Variants in ANKRD27 observed in about 807,000 individuals in gnomAD.
ANKRD27 encodes the protein ankyrin repeat domain-containing protein 27.
Under a neutral mutation model 129.7 loss-of-function variants are expected in ANKRD27, and 112 were observed. The observed-to-expected ratio is 0.86, with a 90% CI of 0.74 to 1.01. The LOEUF (loss-of-function observed/expected upper bound fraction) is 1.01. Among genes scored for constraint, ANKRD27 ranks in the 50% least tolerant of loss-of-function variants. The probability of loss-of-function intolerance (pLI) is 0.00; values close to 1 mark genes in which losing one functional copy is unlikely to be tolerated. For synonymous variants in ANKRD27, 516 were observed against 511.2 expected (o/e 1.01, Z -0.13); for missense variants, 1,258 against 1,300.5 (o/e 0.97, Z 0.50).
chr19:32,628,766 A>G lies in ANKRD27; in HGVS notation c.1293T>C (p.Cys431=). The G allele has an allele frequency of 6.2e-7, 1 of 1,614,150 alleles. No individual in the cohort carries two copies. Among genetic ancestry groups the G allele is most frequent in the Non-Finnish European group, 8.5e-7 (1 of 1,180,022 alleles). Residue 431 remains cysteine (C), a synonymous_variant, in exon 14 of 29, where the codon TGT becomes TGC. Coordinates refer to ENST00000306065, the MANE Select transcript of ANKRD27 (RefSeq NM_032139.3). The stretch of plus-strand genomic sequence containing the variant: ...AGTCATCGCAGAAGCAGAGAGGGTG[A>G]CACATCTTTTGGACGGTATCTTTAT... ...DHDKDTVQKM[C]HPLCFCDDCE... is the part of the protein sequence containing the mutation.
At chr19:32,660,411 T>C (rs1007756646) in intron 1 of ANKRD27, among the ~76,000 whole-genome samples, 9 of 152,136 alleles carry the variant, frequency 5.9e-5, no homozygotes, top group Non-Finnish European at 1.2e-4. Context: ...GGTGTGGTGG[T>C]GCATGCCTAT....
At chr19:32,663,892 T>C (rs1387349464) in intron 1 of ANKRD27, among the ~76,000 whole-genome samples, 1 of 150,668 alleles carries the variant, frequency 6.6e-6, no homozygotes, top group South Asian at 2.1e-4. Flanking sequence ...CCGTCTCTAC[T>C]AAAAATACAA....
intron 22 of ANKRD27, among the ~76,000 whole-genome samples, chr19:32,614,619 G>C (rs1489524062): frequency 6.6e-6 from 1 of 152,024 alleles, no homozygotes; most frequent in African/African-American, 2.4e-5. Context: ...CAGGGGAATC[G>C]CTTCAACCCG....
intron 25 of ANKRD27, 71 bp downstream of exon 25, chr19:32,604,192 T>C (rs1971694498): frequency 6.7e-7 from 1 of 1,496,136 alleles, no homozygotes; most frequent in Non-Finnish European, 9.0e-7. Flanking sequence ...AGATCCAGCT[T>C]AAACAAAGGG....
chr19:32,652,141 G>C (rs1462488269), intron 2 of ANKRD27, among the ~76,000 whole-genome samples: 1 of 152,202 alleles, frequency 6.6e-6, no homozygotes, highest in African/African-American at 2.4e-5. Context: ...AGTAGCTGTG[G>C]AGTTTTTACT....
intron 13 of ANKRD27, among the ~76,000 whole-genome samples, chr19:32,629,116 T>C (rs1197711677): frequency 6.6e-6 from 1 of 152,136 alleles, no homozygotes; most frequent in Non-Finnish European, 1.5e-5. Flanking sequence ...ACACGGGGTT[T>C]TGCCATGTTG....
At chr19:32,659,273 G>C (rs1486969847) in intron 1 of ANKRD27, among the ~76,000 whole-genome samples, 1 of 151,722 alleles carries the variant, frequency 6.6e-6, no homozygotes, top group African/African-American at 2.4e-5. Context: ...TAAAGACAGG[G>C]TTTTGCCATG....
At position 32,626,106 on chromosome 19, in the gene ANKRD27, C is replaced by T; in HGVS notation, c.1537-140G>A. On this transcript the variant is annotated intron_variant, in intron 16 of 28. Coordinates refer to ENST00000306065, the MANE Select transcript of ANKRD27 (RefSeq NM_032139.3). ...CTATTCAAATTAAACCAACACCCATCATTCCTGACACTTGAGAGACTGAAG... is the reference window on the plus strand; with the variant it reads ...CTATTCAAATTAAACCAACACCCATTATTCCTGACACTTGAGAGACTGAAG... 8.7e-6 allele frequency: 5 copies of T among 575,708 alleles called. No homozygotes were observed. The South Asian group carries it at 1.3e-4, about 15-fold the overall frequency. The allele number at this position is 575,708 out of a possible 1,614,324, so 35.7% of individuals were successfully genotyped here.
Position 32,607,182 on chromosome 19 carries a change from C to T in ANKRD27, c.2373+453G>A, listed in dbSNP as rs138673724. Among the ~76,000 whole-genome samples, 561 of 149,842 alleles carry T rather than the reference C, an allele frequency of 3.7e-3. 16 individuals are homozygous for T. In the South Asian group the frequency reaches 0.069, roughly 18 times the overall value. On this transcript the variant is annotated intron_variant, in intron 23 of 28. Transcript: ENST00000306065. ...AAAAAAAAAAGGCAAAAAACCCCAG[C>T]ACTTTCAAAAAGTTAATCACTCCAA... is the stretch of plus-strand genomic sequence containing the variant.
At chr19:32,642,553 C>T (rs1967221815) in intron 9 of ANKRD27, among the ~76,000 whole-genome samples, 1 of 152,086 alleles carries the variant, frequency 6.6e-6, no homozygotes. Context: ...GCCTGGCCAA[C>T]ATGGTGAAAC....
In ANKRD27 at chr19:32,650,750, A is replaced by ATTT. The variant is rs144322999; in HGVS notation, c.103-961_103-959dup. On this transcript the variant is annotated intron_variant, in intron 2 of 28. Transcript: ENST00000306065. ...CTTCTATTCTTTTCTTTACGCTTTT[A>ATTT]TTTATTTTTTTTTTTTGGAGACAGT... Among the ~76,000 whole-genome samples, 462 of 125,242 alleles carry ATTT rather than the reference A, an allele frequency of 3.7e-3. 50 individuals are homozygous for ATTT. Among genetic ancestry groups the ATTT allele is most frequent in the Non-Finnish European group, 5.1e-3 (322 of 63,646 alleles). The allele number at this position is 125,242 out of a possible 152,430, so 82.2% of individuals were successfully genotyped here. A position where few individuals can be genotyped will look rare whatever the true frequency, so the allele number is the denominator to read the frequency against.
intron 12 of ANKRD27, chr19:32,637,405 A>G (rs996928147): frequency 6.6e-6 from 1 of 152,248 alleles, no homozygotes; most frequent in Non-Finnish European, 1.5e-5. Context: ...TTCACATAGA[A>G]ATATAATCAC....
chr19:32,628,618 G>C lies in ANKRD27; in HGVS notation c.1337+104C>G, dbSNP rs1487331645. 4.2e-6 allele frequency: 6 copies of C among 1,438,246 alleles called. No individual in the cohort carries two copies. In the African/African-American group the frequency reaches 5.7e-5, roughly 14 times the overall value. 89.1% of individuals were successfully genotyped at this position (1,438,246 alleles called of 1,614,324 possible). A position where few individuals can be genotyped will look rare whatever the true frequency, so the allele number is the denominator to read the frequency against. The stretch of plus-strand genomic sequence containing the variant: ...TACAGCAGAGGCAGCTGGGGGGCAG[G>C]GAGGACAGTCCTTATCTGCAGTCAC... On this transcript the variant is annotated intron_variant, in intron 14 of 28. Transcript: ENST00000306065.
intron 1 of ANKRD27, among the ~76,000 whole-genome samples, chr19:32,672,214 T>C (rs1308609865): frequency 6.6e-6 from 1 of 152,256 alleles, no homozygotes; most frequent in Non-Finnish European, 1.5e-5. Context: ...ATTCTCCATT[T>C]GGTCTAATTT....
intron 12 of ANKRD27, chr19:32,638,753 T>C (rs118150324): frequency 0.011 from 1,724 of 154,936 alleles, 13 homozygotes; most frequent in Non-Finnish European, 0.019. Context: ...AGCAGGACCC[T>C]GTACAAGCAA....
At chr19:32,608,507 T>TAA (rs35210767) in intron 22 of ANKRD27, 192 of 212,202 alleles carry the variant, frequency 9.0e-4, no homozygotes, top group South Asian at 1.9e-3. Flanking sequence ...GTTACCTCTT[T>TAA]AAAAAAAAAA....
intron 12 of ANKRD27, among the ~76,000 whole-genome samples, chr19:32,634,510 G>T (rs1389423070): frequency 6.6e-6 from 1 of 152,216 alleles, no homozygotes; most frequent in Non-Finnish European, 1.5e-5. Context: ...CAAGAGGGGT[G>T]CCTTGGGCTG....
At chr19:32,622,814 GTTAT>G (rs1972034445) in intron 17 of ANKRD27, among the ~76,000 whole-genome samples, 195 bp from the exon 18 acceptor site, 2 of 151,278 alleles carry the variant, frequency 1.3e-5, no homozygotes, top group African/African-American at 4.9e-5. Flanking sequence ...ATCTCTCTCT[GTTAT>G]TCAGGTTGCA....
intron 22 of ANKRD27, among the ~76,000 whole-genome samples, chr19:32,610,696 G>A (rs1250861952): frequency 6.6e-6 from 1 of 152,152 alleles, no homozygotes; most frequent in Non-Finnish European, 1.5e-5. Context: ...GGAGGCTGAG[G>A]CAGAAGAATG....
Sources: allele counts gnomAD v4.1 joint callset (sites outside exome capture counted in the v4.1 genomes callset), GRCh38; gene constraint gnomAD v4.1.1; transcripts MANE v1.5; gene names NCBI Gene and HGNC (gene_info 2026-07-23, HGNC 2026-07-21).